Variants in NDST3 observed in about 807,000 individuals in gnomAD.
The protein encoded by NDST3 is N-deacetylase and N-sulfotransferase 3.
Under a neutral mutation model 96.1 loss-of-function variants are expected in NDST3, and 58 were observed. The observed-to-expected ratio is 0.60, with a 90% CI of 0.49 to 0.75. The LOEUF (loss-of-function observed/expected upper bound fraction) is 0.75. NDST3 is among the 30% of genes least tolerant of loss of function. NDST3 has a pLI of 0.00. For missense variants in NDST3, 788 were observed against 1,034.2 expected (o/e 0.76, Z 3.27); for synonymous variants, 333 against 359.7 (o/e 0.93, Z 0.84).
chr4:118,232,908 A>C lies in NDST3; in HGVS notation c.1820-104A>C. On this transcript the variant is annotated intron_variant, in intron 8 of 13. Transcript: ENST00000296499. ...TTTATTTCCAGCAGTAGTTGTAATA[A>C]ATCTGTTTGGATCATTCTAATATTT... 1.8e-6 allele frequency: 2 copies of C among 1,142,544 alleles called. 1 individual carries two copies. Among genetic ancestry groups the C allele is most frequent in the South Asian group, 3.3e-5 (2 of 60,180 alleles). The allele number at this position is 1,142,544 out of a possible 1,614,324, so 70.8% of individuals were successfully genotyped here.
At chr4:118,033,822 C>T (rs1724005492), upstream of NDST3, 1 of 152,416 alleles carries the variant, frequency 6.6e-6, no homozygotes, top group Non-Finnish European at 1.5e-5. Context: ...CCGCGTAGCA[C>T]CCAAGCGCCA....
intron 2 of NDST3, among the ~76,000 whole-genome samples, chr4:118,057,648 T>C (rs1725537019): frequency 6.6e-6 from 1 of 152,046 alleles, no homozygotes; most frequent in Non-Finnish European, 1.5e-5. Flanking sequence ...CAGGGCCCAC[T>C]GGGCTAAGGA....
intron 5 of NDST3, among the ~76,000 whole-genome samples, chr4:118,143,214 T>C (rs1578718187): frequency 6.6e-6 from 1 of 152,210 alleles, no homozygotes; most frequent in Non-Finnish European, 1.5e-5. Flanking sequence ...TCCAATACTT[T>C]TTTTAAAGTC....
intron 10 of NDST3, among the ~76,000 whole-genome samples, chr4:118,237,629 C>G (rs936537088): frequency 6.6e-6 from 1 of 152,088 alleles, no homozygotes; most frequent in African/African-American, 2.4e-5. Flanking sequence ...TATACAGTCT[C>G]CATTGCAACT....
chr4:118,112,347 A>T (rs538050937), intron 3 of NDST3, among the ~76,000 whole-genome samples: 92 of 152,326 alleles, frequency 6.0e-4, no homozygotes, highest in African/African-American at 1.9e-3. Context: ...CTTCAAGGAA[A>T]GATAAGAATT....
At chr4:118,245,954 C>T (rs1741286679) in intron 12 of NDST3, among the ~76,000 whole-genome samples, 1 of 152,088 alleles carries the variant, frequency 6.6e-6, no homozygotes, top group African/African-American at 2.4e-5. Context: ...ACATTGCCAA[C>T]CTGTTAAGCT....
chr4:118,114,759 A>T, intron 3 of NDST3, 47 bp from the exon 4 acceptor site: 1 of 1,546,996 alleles, frequency 6.5e-7, no homozygotes, highest in Non-Finnish European at 8.9e-7. Context: ...GATTGATCAT[A>T]GATCAGTGTA....
At chr4:118,076,614 T>C (rs963240845) in intron 2 of NDST3, among the ~76,000 whole-genome samples, 2 of 152,234 alleles carry the variant, frequency 1.3e-5, no homozygotes, top group East Asian at 3.9e-4. Flanking sequence ...TATTATGAAA[T>C]TCTTGCAGCG....
rs141542552 is a variant in NDST3, at chr4:118,258,206, C to T, written c.*2494C>T. The stretch of plus-strand genomic sequence containing the variant: ...GAGATCTTACCAAAATTTATTCATT[C>T]ACAAGTACATGTATTACGCTAGCTA... On this transcript the variant is annotated 3_prime_UTR_variant, in exon 14 of 14. Coordinates refer to ENST00000296499, the MANE Select transcript of NDST3 (RefSeq NM_004784.3). 52 of 152,282 alleles carry T rather than the reference C, an allele frequency of 3.4e-4. No individual in the cohort carries two copies. The highest frequency in any genetic ancestry group is 1.2e-3 in the African/African-American group (51 of 41,560). 9.4% of individuals were successfully genotyped at this position (152,282 alleles called of 1,614,324 possible). A position where few individuals can be genotyped will look rare whatever the true frequency, so the allele number is the denominator to read the frequency against.
chr4:118,147,281 G>C (rs1001190156), intron 6 of NDST3, among the ~76,000 whole-genome samples: 6 of 152,170 alleles, frequency 3.9e-5, no homozygotes, highest in Non-Finnish European at 7.4e-5. Flanking sequence ...ACAGACCTCA[G>C]AGTGTTCGTT....
At chr4:118,156,997 G>T (rs908566778) in intron 6 of NDST3, among the ~76,000 whole-genome samples, 1 of 152,116 alleles carries the variant, frequency 6.6e-6, no homozygotes, top group African/African-American at 2.4e-5. Context: ...AACAATCTGA[G>T]TGCAAACCAT....
At chr4:118,117,174 T>C (rs1304526814) in intron 4 of NDST3, among the ~76,000 whole-genome samples, 1 of 152,200 alleles carries the variant, frequency 6.6e-6, no homozygotes, top group Non-Finnish European at 1.5e-5. Context: ...AGAATTTATT[T>C]TGTTGCAAGA....
intron 6 of NDST3, among the ~76,000 whole-genome samples, chr4:118,209,544 C>A (rs553804723): frequency 6.6e-6 from 1 of 152,272 alleles, no homozygotes; most frequent in Admixed American, 6.5e-5. Context: ...CTTTTGACAC[C>A]TAACAGAAAT....
intron 4 of NDST3, among the ~76,000 whole-genome samples, chr4:118,118,070 G>A (rs1560655793): frequency 6.6e-6 from 1 of 152,152 alleles, no homozygotes; most frequent in Non-Finnish European, 1.5e-5. Flanking sequence ...CACTTCTCAT[G>A]TGTAGTTACA....
At chr4:118,239,481 T>TA (rs1283377984) in intron 10 of NDST3, among the ~76,000 whole-genome samples, 7 of 152,162 alleles carry the variant, frequency 4.6e-5, no homozygotes, top group Admixed American at 4.6e-4. Flanking sequence ...AATCAAAACA[T>TA]ACAGCAAATT....
intron 12 of NDST3, among the ~76,000 whole-genome samples, chr4:118,249,030 C>A (rs1239440637): frequency 6.6e-6 from 1 of 152,172 alleles, no homozygotes; most frequent in East Asian, 1.9e-4. Context: ...AGGCTAGGTG[C>A]CAGCTACACA....
chr4:118,177,382 T>C (rs1017113117), intron 6 of NDST3, among the ~76,000 whole-genome samples: 11 of 152,042 alleles, frequency 7.2e-5, no homozygotes, highest in African/African-American at 2.7e-4. Flanking sequence ...AATCACCAAA[T>C]CAAATGCAAA....
intron 2 of NDST3, among the ~76,000 whole-genome samples, chr4:118,094,133 G>A (rs1183094559): frequency 6.6e-6 from 1 of 151,780 alleles, no homozygotes; most frequent in Non-Finnish European, 1.5e-5. Flanking sequence ...CATATGTATT[G>A]TGGGGAACAC....
chr4:118,179,496 T>C (rs1736467876), intron 6 of NDST3, among the ~76,000 whole-genome samples: 1 of 152,002 alleles, frequency 6.6e-6, no homozygotes, highest in Admixed American at 6.6e-5. Flanking sequence ...TGGTGAGAAT[T>C]TGGAAGTGGT....
Sources: gnomAD v4.1 joint callset for allele counts (sites outside exome capture counted in the v4.1 genomes callset) on GRCh38, gnomAD v4.1.1 for gene constraint, MANE v1.5 for transcripts, NCBI Gene and HGNC (gene_info 2026-07-23, HGNC 2026-07-21) for gene names.